Variants in SPATA24 observed in about 807,000 individuals in gnomAD.
SPATA24 encodes the protein spermatogenesis associated 24.
SPATA24 carries 21 observed loss-of-function variants against 28.9 expected under a neutral mutation model. That is an observed-to-expected ratio of 0.73 (90% CI 0.52 to 1.05). SPATA24 has a LOEUF of 1.05. Among genes scored for constraint, SPATA24 ranks in the 50% least tolerant of loss-of-function variants. SPATA24 has a pLI of 0.00. For missense variants in SPATA24, 215 were observed against 242.9 expected (o/e 0.88, Z 0.76); for synonymous variants, 76 against 89.9 (o/e 0.85, Z 0.88).
chr5:139,397,367 A>AG (rs1244280610), intron 4 of SPATA24, among the ~76,000 whole-genome samples: 1 of 152,172 alleles, frequency 6.6e-6, no homozygotes, highest in East Asian at 1.9e-4. Context: ...TCTGGACCAG[A>AG]GGACCCACAT....
At chr5:139,395,393 C>A (rs901013077), downstream of SPATA24, 1 of 316,362 alleles carries the variant, frequency 3.2e-6, no homozygotes, top group Non-Finnish European at 5.8e-6. Context: ...AGGAGTTAGG[C>A]CCAACTCCAC....
downstream of SPATA24, chr5:139,394,641 C>A (rs1200394101): frequency 7.8e-6 from 12 of 1,534,414 alleles, no homozygotes; most frequent in African/African-American, 1.4e-5. Context: ...GAGACGCTGG[C>A]CCCGGCGGCA....
At chr5:139,397,173 T>C (rs937041496) in intron 4 of SPATA24, 30 bp from the exon 5 acceptor site, 2 of 1,522,792 alleles carry the variant, frequency 1.3e-6, no homozygotes, top group Non-Finnish European at 1.8e-6. Flanking sequence ...GGAGGAGGGG[T>C]GGTTCCCATC....
intron 1 of SPATA24, 23 bp downstream of exon 1, chr5:139,403,921 C>T (rs1287836582): frequency 1.9e-6 from 3 of 1,545,254 alleles, no homozygotes; most frequent in Non-Finnish European, 2.6e-6. Flanking sequence ...CCCGCCTCTC[C>T]CCAAACTCCT....
At chr5:139,394,362 C>A, downstream of SPATA24, 4 of 1,418,152 alleles carry the variant, frequency 2.8e-6, no homozygotes, top group Non-Finnish European at 3.7e-6. Flanking sequence ...GGGGGCCCAG[C>A]GACTCGTCCA....
At chr5:139,393,384 GGAT>G, downstream of SPATA24, 1 of 1,551,600 alleles carries the variant, frequency 6.4e-7, no homozygotes. Flanking sequence ...TTTCCCGCGT[GGAT>G]GGACTCTGCA....
At chr5:139,393,944 G>A (rs1758644684), downstream of SPATA24, 2 of 1,550,822 alleles carry the variant, frequency 1.3e-6, no homozygotes, top group Non-Finnish European at 1.7e-6. Flanking sequence ...ACCTCCGAGG[G>A]GATCCTACAC....
chr5:139,394,234 T>C, downstream of SPATA24: 1 of 1,548,514 alleles, frequency 6.5e-7, no homozygotes, highest in Middle Eastern at 1.7e-4. Context: ...GCGGGCCGTT[T>C]CCCGGGTCTC....
At chr5:139,394,023 C>A (rs1302794423), downstream of SPATA24, 1 of 1,550,704 alleles carries the variant, frequency 6.4e-7, no homozygotes, top group Non-Finnish European at 8.7e-7. Context: ...GAGTCTTCCG[C>A]GCCTCCTGGA....
In SPATA24 at chr5:139,396,939, A is replaced by G; in HGVS notation, c.489-10T>C. The G allele has an allele frequency of 6.4e-7, 1 of 1,551,558 alleles. No individual in the cohort carries two copies. Among genetic ancestry groups the G allele is most frequent in the Non-Finnish European group, 8.7e-7 (1 of 1,146,910 alleles). On this transcript the variant is annotated splice_polypyrimidine_tract_variant and intron_variant, in intron 5 of 5. Transcript: ENST00000450845. ...GTCAGACATGTGATTCCTGCAACGG[A>G]GCCGGCTGGTGGTGGGCTGTGGACA...
downstream of SPATA24, chr5:139,394,490 C>T: frequency 7.0e-7 from 1 of 1,421,678 alleles, no homozygotes; most frequent in South Asian, 1.5e-5. Flanking sequence ...CTGGCGGGCG[C>T]GGCGCCCTCC....
At chr5:139,397,403 G>C (rs193023001) in intron 4 of SPATA24, among the ~76,000 whole-genome samples, 1 of 152,306 alleles carries the variant, frequency 6.6e-6, no homozygotes, top group African/African-American at 2.4e-5. Context: ...TCCTTGGAGA[G>C]AAGTGGGCAG....
chr5:139,393,108 C>T (rs898338915), downstream of SPATA24: 1 of 1,523,950 alleles, frequency 6.6e-7, no homozygotes, highest in South Asian at 1.2e-5. Flanking sequence ...CGCCGCCCTC[C>T]TCCCCGCAGG....
chr5:139,394,495 C>A, downstream of SPATA24: 1 of 1,423,758 alleles, frequency 7.0e-7, no homozygotes, highest in Non-Finnish European at 9.1e-7. Flanking sequence ...GGGCGCGGCG[C>A]CCTCCTCCAG....
intron 4 of SPATA24, 79 bp downstream of exon 4, chr5:139,401,676 G>C (rs1444754829): frequency 2.1e-6 from 3 of 1,444,022 alleles, no homozygotes; most frequent in Non-Finnish European, 2.9e-6. Flanking sequence ...GTGAAACCCT[G>C]CCTTTGACAC....
chr5:139,396,567 C>A, downstream of SPATA24: 1 of 1,346,046 alleles, frequency 7.4e-7, no homozygotes, highest in South Asian at 1.6e-5. Context: ...TGGAATATTA[C>A]TGGGTAACCA....
chr5:139,403,808 T>C (rs908663314), intron 1 of SPATA24, 136 bp downstream of exon 1: 7 of 721,974 alleles, frequency 9.7e-6, no homozygotes, highest in African/African-American at 1.8e-5. Context: ...CCCTACCGAC[T>C]GAGCCCGGCC....
At chr5:139,402,100 A>C in intron 2 of SPATA24, 55 bp from the exon 3 acceptor site, 1 of 1,526,782 alleles carries the variant, frequency 6.5e-7, no homozygotes. Context: ...GGTCTCCTAG[A>C]CTCCCTTAAC....
chr5:139,402,192 C>G (rs1758839787), intron 2 of SPATA24, 147 bp from the exon 3 acceptor site: 1 of 974,190 alleles, frequency 1.0e-6, no homozygotes, highest in South Asian at 1.9e-5. Flanking sequence ...TGGAGGTTCT[C>G]AGAGGCCGAC....
Sources: gnomAD v4.1 joint callset for allele counts (sites outside exome capture counted in the v4.1 genomes callset) on GRCh38, gnomAD v4.1.1 for gene constraint, MANE v1.5 for transcripts, NCBI Gene and HGNC (gene_info 2026-07-23, HGNC 2026-07-21) for gene names.